RNASE1: variants seen among roughly 807,000 people sequenced by gnomAD.
RNASE1 encodes the protein ribonuclease A family member 1, pancreatic.
For missense variants in RNASE1, 203 were observed against 201.0 expected (o/e 1.01, Z -0.06); for synonymous variants, 64 against 78.6 (o/e 0.81, Z 0.98).
intron 1 of RNASE1, 167 bp from the exon 2 acceptor site, chr14:20,802,260 T>C (rs376185219): frequency 2.3e-5 from 13 of 563,826 alleles, no homozygotes; most frequent in African/African-American, 1.7e-4. Context: ...TGTACCCTTT[T>C]CCACGAGCGT....
chr14:20,801,740 G>A lies in RNASE1; in HGVS notation c.329C>T (p.Thr110Ile). The change falls in exon 2 of 2, where the codon ACA becomes ATA. Residue 110 changes from threonine to isoleucine, a missense_variant. Coordinates refer to ENST00000397967, the MANE Select transcript of RNASE1 (RefSeq NM_002933.5). ...CYKSNSSMHI[T>I]DCRLTNGSRY... is the part of the protein sequence containing the mutation. ...GGAGCCGTTTGTCAGGCGGCAGTCT[G>A]TGATGTGCATGCTGGAGTTGCTCTT... 1 of 1,614,216 alleles carries A rather than the reference G, an allele frequency of 6.2e-7. No individual in the cohort carries two copies. The highest frequency in any genetic ancestry group is 8.5e-7 in the Non-Finnish European group (1 of 1,180,044).
In RNASE1 at chr14:20,801,359, G is replaced by A. The variant is rs1482587744; in HGVS notation, c.*239C>T. 1 of 556,410 alleles carries A rather than the reference G, an allele frequency of 1.8e-6. No individual in the cohort carries two copies. Among genetic ancestry groups the A allele is most frequent in the Non-Finnish European group, 3.2e-6 (1 of 310,686 alleles). The allele number at this position is 556,410 out of a possible 1,614,324, so 34.5% of individuals were successfully genotyped here. A position where few individuals can be genotyped will look rare whatever the true frequency, so the allele number is the denominator to read the frequency against. On this transcript the variant is annotated 3_prime_UTR_variant, in exon 2 of 2. Coordinates refer to ENST00000397967, the MANE Select transcript of RNASE1 (RefSeq NM_002933.5). ...CTAGACAGAACCGCTTCAGAAATCA[G>A]GTGTTTGCAACTGCGTTTTATTGAA...
Position 20,802,784 on chromosome 14 carries a change from T to C in RNASE1, c.-26+13A>G, listed in dbSNP as rs187108787. The C allele has an allele frequency of 6.6e-6, 1 of 152,518 alleles. No homozygotes were observed. The highest frequency in any genetic ancestry group is 2.4e-5 in the African/African-American group (1 of 41,570). The allele number at this position is 152,518 out of a possible 1,614,324, so 9.4% of individuals were successfully genotyped here. ...CAGAAGCGGCACCTGAGAACACCTC[T>C]TGGGCTGCTTACCTGGATCTGCAGC... On this transcript the variant is annotated intron_variant, in intron 1 of 1. Coordinates refer to ENST00000397967, the MANE Select transcript of RNASE1 (RefSeq NM_002933.5).
rs150792279 is a variant in RNASE1, at chr14:20,801,982, C to G, written c.87G>C (p.Lys29Asn). 2 of 1,613,150 alleles carry G rather than the reference C, an allele frequency of 1.2e-6. No individual in the cohort carries two copies. The highest frequency in any genetic ancestry group is 8.5e-7 in the Non-Finnish European group (1 of 1,179,992). ...GCTGGAATTTCTTGGCCCGGGATTC[C>G]TTGCCCAGGGAAGGCTGGACCCAGC... is the stretch of plus-strand genomic sequence containing the variant. The part of the protein sequence containing the change: ...VLGWVQPSLG[K>N]ESRAKKFQRQ... The change falls in exon 2 of 2, where the codon AAG (lysine) becomes AAC (asparagine). Residue 29 changes from lysine to asparagine, a missense_variant. Coordinates refer to ENST00000397967, the MANE Select transcript of RNASE1 (RefSeq NM_002933.5).
chr14:20,802,161 G>A, intron 1 of RNASE1, 68 bp from the exon 2 acceptor site: 1 of 989,542 alleles, frequency 1.0e-6, no homozygotes, highest in Non-Finnish European at 1.4e-6. Flanking sequence ...CCCACCTATG[G>A]CTTGCCTGGT....
intron 1 of RNASE1, among the ~76,000 whole-genome samples, 168 bp downstream of exon 1, chr14:20,802,629 T>C (rs1879456074): frequency 6.6e-6 from 1 of 152,196 alleles, no homozygotes; most frequent in East Asian, 1.9e-4. Context: ...CTCTGCAGCC[T>C]GCACGTTCCA....
chr14:20,801,477 T>C lies in RNASE1; in HGVS notation c.*121A>G. The stretch of plus-strand genomic sequence containing the variant: ...GGATGGGACTCAGGAAAGGGAAGCA[T>C]GTGTGTGTTGAATAGGAGCCCTAAC... On this transcript the variant is annotated 3_prime_UTR_variant, in exon 2 of 2. Coordinates refer to ENST00000397967, the MANE Select transcript of RNASE1 (RefSeq NM_002933.5). 2.4e-6 allele frequency: 2 copies of C among 823,234 alleles called. No individual in the cohort carries two copies. The highest frequency in any genetic ancestry group is 1.7e-5 in the African/African-American group (1 of 58,914). The allele number at this position is 823,234 out of a possible 1,614,324, so 51.0% of individuals were successfully genotyped here.
At chr14:20,802,281 C>A (rs1427481772) in intron 1 of RNASE1, 188 bp from the exon 2 acceptor site, 2 of 536,084 alleles carry the variant, frequency 3.7e-6, no homozygotes, top group Non-Finnish European at 6.6e-6. Context: ...TTTATTCCCA[C>A]TCTCCAAAGC....
chr14:20,801,640 A>T lies in RNASE1; in HGVS notation c.429T>A (p.Tyr143Ter). ...HIIVACEGSP[Y>*]VPVHFDASVE... Reference sequence around the variant, plus strand: ...CAGAAGCATCAAAGTGGACTGGCACATATGGGCTCCCTTCACAGGCCACAA... The same window carrying T: ...CAGAAGCATCAAAGTGGACTGGCACTTATGGGCTCCCTTCACAGGCCACAA... Residue 143 changes from tyrosine (Y) to a stop codon, truncating the protein, a stop_gained, in exon 2 of 2, where the codon TAT becomes TAA. Coordinates refer to ENST00000397967, the MANE Select transcript of RNASE1 (RefSeq NM_002933.5). LOFTEE classifies it high-confidence loss of function. 1 of 1,614,190 alleles carries T rather than the reference A, an allele frequency of 6.2e-7. No individual in the cohort carries two copies. Among genetic ancestry groups the T allele is most frequent in the Non-Finnish European group, 8.5e-7 (1 of 1,180,032 alleles).
chr14:20,801,229 C>G lies in RNASE1; in HGVS notation c.*369G>C. ...AGGAATTTTCTCAAGCCACTAAAAT[C>G]CAAGTCAGAAGGGAAGGCATTTAAT... On this transcript the variant is annotated 3_prime_UTR_variant, in exon 2 of 2. Transcript: ENST00000397967. 4.6e-6 allele frequency: 1 copy of G among 219,172 alleles called. No individual in the cohort carries two copies. Among genetic ancestry groups the G allele is most frequent in the Middle Eastern group, 1.9e-3 (1 of 538 alleles). The allele number at this position is 219,172 out of a possible 1,614,324, so 13.6% of individuals were successfully genotyped here. A position where few individuals can be genotyped will look rare whatever the true frequency, so the allele number is the denominator to read the frequency against.
rs750187194 is a variant in RNASE1, at chr14:20,802,097, A to C, written c.-25-4T>G. 2.0e-6 allele frequency: 3 copies of C among 1,519,772 alleles called. No individual in the cohort carries two copies. In the South Asian group the frequency reaches 3.6e-5, roughly 18 times the overall value. The allele number at this position is 1,519,772 out of a possible 1,614,324, so 94.1% of individuals were successfully genotyped here. ...GGCCTCACTTTCCCAGAAAAGCCTAATTGAGAAAAGGAGAGAGAAGGAAAA... is the reference window on the plus strand; with the variant it reads ...GGCCTCACTTTCCCAGAAAAGCCTACTTGAGAAAAGGAGAGAGAAGGAAAA... On this transcript the variant is annotated splice_region_variant and splice_polypyrimidine_tract_variant and intron_variant, in intron 1 of 1. Coordinates refer to ENST00000397967, the MANE Select transcript of RNASE1 (RefSeq NM_002933.5).
At position 20,801,903 on chromosome 14, in the gene RNASE1, G is replaced by A. The variant is rs1879417456; in HGVS notation, c.166C>T (p.Gln56Ter). The A allele has an allele frequency of 6.2e-7, 1 of 1,614,034 alleles. No individual in the cohort carries two copies. Among genetic ancestry groups the A allele is most frequent in the South Asian group, 1.1e-5 (1 of 91,082 alleles). The change falls in exon 2 of 2, where the codon CAA becomes TAA. Residue 56 changes from glutamine to a stop codon, truncating the protein, a stop_gained. Transcript: ENST00000397967. LOFTEE classifies it low-confidence loss of function (END_TRUNC). ...GTCATATTCCGGCGCCTCATCATTTGGTTACAGTAGGTGGAGCTGCTGCTG... is the reference window on the plus strand; with the variant it reads ...GTCATATTCCGGCGCCTCATCATTTAGTTACAGTAGGTGGAGCTGCTGCTG... ...SPSSSSTYCN[Q>*]MMRRRNMTQG...
At chr14:20,802,310 A>T (rs1879442639) in intron 1 of RNASE1, 1 of 492,042 alleles carries the variant, frequency 2.0e-6, no homozygotes, top group African/African-American at 1.9e-5. Flanking sequence ...CCTCCCCTCT[A>T]GGTGGTGACC....
rs1879384741 is a variant in RNASE1, at chr14:20,801,502, CTG to C, written c.*94_*95del. 2.9e-6 allele frequency: 3 copies of C among 1,027,512 alleles called. No homozygotes were observed. The Admixed American group carries it at 5.9e-5, about 20-fold the overall frequency. The allele number at this position is 1,027,512 out of a possible 1,614,324, so 63.6% of individuals were successfully genotyped here. On this transcript the variant is annotated 3_prime_UTR_variant, in exon 2 of 2. Coordinates refer to ENST00000397967, the MANE Select transcript of RNASE1 (RefSeq NM_002933.5). ...TGTGTGTGTTGAATAGGAGCCCTAA[CTG>C]TAGTTACTTCTTTCACAGCAGGGAA...
At chr14:20,802,190 G>A in intron 1 of RNASE1, 97 bp from the exon 2 acceptor site, 1 of 774,478 alleles carries the variant, frequency 1.3e-6, no homozygotes, top group East Asian at 2.7e-5. Context: ...TCTGTTTCAG[G>A]TCAGCCAGAA....
chr14:20,801,566 T>G lies in RNASE1; in HGVS notation c.*32A>C, dbSNP rs1289536345. The G allele has an allele frequency of 2.5e-6, 4 of 1,573,656 alleles. No individual in the cohort carries two copies. Among genetic ancestry groups the G allele is most frequent in the Middle Eastern group, 1.9e-4 (1 of 5,342 alleles). ...GAGGCAGCTGTGGAGAGGATGAGGT[T>G]GAGGGAGGTGGGGTATCTCGCTGCT... is the stretch of plus-strand genomic sequence containing the variant. On this transcript the variant is annotated 3_prime_UTR_variant, in exon 2 of 2. Transcript: ENST00000397967.
At position 20,801,850 on chromosome 14, in the gene RNASE1, G is replaced by C. The variant is rs201527730; in HGVS notation, c.219C>G (p.Thr73=). ...CATCTACCAGGGGCTCGTGCACAAA[G>C]GTGTTCACTGGTTTGCACCGCCCCT... ...MTQGRCKPVN[T]FVHEPLVDVQ... Residue 73 remains threonine, a synonymous_variant, in exon 2 of 2, where the codon ACC becomes ACG. Transcript: ENST00000397967. 27 of 1,614,180 alleles carry C rather than the reference G, an allele frequency of 1.7e-5. No homozygotes were observed. The African/African-American group carries it at 3.1e-4, about 18-fold the overall frequency.
In RNASE1 at chr14:20,801,673, T is replaced by C. The variant is rs1173091241; in HGVS notation, c.396A>G (p.Arg132=). 5 of 1,614,104 alleles carry C rather than the reference T, an allele frequency of 3.1e-6. No homozygotes were observed. Among genetic ancestry groups the C allele is most frequent in the Non-Finnish European group, 4.2e-6 (5 of 1,180,024 alleles). Reference sequence around the variant, plus strand: ...TCCCTTCACAGGCCACAATGATGTGTCTCTCCTTCGGGCTGGTCCGGTATG... The same window carrying C: ...TCCCTTCACAGGCCACAATGATGTGCCTCTCCTTCGGGCTGGTCCGGTATG... ...NCAYRTSPKE[R]HIIVACEGSP... Residue 132 remains arginine, a synonymous_variant, in exon 2 of 2, where the codon AGA becomes AGG. Coordinates refer to ENST00000397967, the MANE Select transcript of RNASE1 (RefSeq NM_002933.5).
chr14:20,802,194 G>T, intron 1 of RNASE1, 101 bp from the exon 2 acceptor site: 2 of 735,116 alleles, frequency 2.7e-6, no homozygotes, highest in Non-Finnish European at 4.3e-6. Flanking sequence ...TTTCAGGTCA[G>T]CCAGAAAGAC....
Sources: gnomAD v4.1 joint callset for allele counts (sites outside exome capture counted in the v4.1 genomes callset) on GRCh38, gnomAD v4.1.1 for gene constraint, MANE v1.5 for transcripts, NCBI Gene and HGNC (gene_info 2026-07-23, HGNC 2026-07-21) for gene names.